Variants in FBXW7 observed in about 807,000 individuals in gnomAD.
The protein encoded by FBXW7 is F-box and WD repeat domain containing 7.
FBXW7 carries 11 observed loss-of-function variants against 86.3 expected under a neutral mutation model. The ratio of observed to expected loss-of-function variants is 0.13; its 90% CI spans 0.08 to 0.21. The LOEUF (loss-of-function observed/expected upper bound fraction) is 0.21. FBXW7 is among the 10% of genes least tolerant of loss of function. FBXW7 has a pLI of 1.00. For synonymous variants in FBXW7, 313 were observed against 297.9 expected (o/e 1.05, Z -0.52); for missense variants, 488 against 847.4 (o/e 0.58, Z 5.27).
At chr4:152,440,114 A>G (rs895582696) in intron 2 of FBXW7, among the ~76,000 whole-genome samples, 1 of 152,228 alleles carries the variant, frequency 6.6e-6, no homozygotes, top group African/African-American at 2.4e-5. Flanking sequence ...TAACAAATAC[A>G]GACTGTAATA....
chr4:152,509,138 A>G (rs981673655), intron 2 of FBXW7, among the ~76,000 whole-genome samples: 7 of 152,228 alleles, frequency 4.6e-5, no homozygotes. Flanking sequence ...TGATAACTAA[A>G]ATACAACACG....
chr4:152,469,772 G>C (rs1234848874), intron 2 of FBXW7, among the ~76,000 whole-genome samples: 2 of 152,098 alleles, frequency 1.3e-5, no homozygotes, highest in Non-Finnish European at 2.9e-5. Context: ...GAACAAGAGA[G>C]AAAAGGATTG....
At chr4:152,483,848 C>T (rs889717423) in intron 2 of FBXW7, among the ~76,000 whole-genome samples, 2 of 152,202 alleles carry the variant, frequency 1.3e-5, no homozygotes, top group East Asian at 3.9e-4. Context: ...TTAATTACTA[C>T]ACCACTACAG....
chr4:152,343,911 C>A (rs1025262408), intron 6 of FBXW7, among the ~76,000 whole-genome samples: 4 of 151,670 alleles, frequency 2.6e-5, no homozygotes, highest in African/African-American at 9.7e-5. Flanking sequence ...AATGGAATAT[C>A]ATTTGTTCAT....
chr4:152,490,713 T>C (rs1745762596), intron 2 of FBXW7, among the ~76,000 whole-genome samples: 1 of 152,130 alleles, frequency 6.6e-6, no homozygotes. Flanking sequence ...AATCAAAACA[T>C]AATCCTGCAC....
At chr4:152,340,889 A>T (rs1408758048) in intron 6 of FBXW7, among the ~76,000 whole-genome samples, 1 of 152,114 alleles carries the variant, frequency 6.6e-6, no homozygotes, top group Admixed American at 6.5e-5. Flanking sequence ...ATTTCAGTAA[A>T]ATAAACTCTA....
Position 152,334,975 on chromosome 4 carries a change from C to T in FBXW7, c.862-2256G>A, listed in dbSNP as rs1729926833. Among the ~76,000 whole-genome samples, 5 of 152,026 alleles carry T rather than the reference C, an allele frequency of 3.3e-5. 1 individual carries two copies. The highest frequency in any genetic ancestry group is 2.6e-4 in the Admixed American group (4 of 15,258). On this transcript the variant is annotated intron_variant, in intron 7 of 13. Coordinates refer to ENST00000281708, the MANE Select transcript of FBXW7 (RefSeq NM_001349798.2). ...TTTAAACTAGAGAAAAAGTAGAGCA[C>T]AAATACGCTGTCAACAAGGTTATGT...
Position 152,535,486 on chromosome 4 carries a change from GC to G in FBXW7, c.-573del, listed in dbSNP as rs938599328. 7.6e-6 allele frequency: 3 copies of G among 393,114 alleles called. No individual in the cohort carries two copies. The highest frequency in any genetic ancestry group is 4.5e-6 in the Non-Finnish European group (1 of 222,792). The allele number at this position is 393,114 out of a possible 1,614,324, so 24.4% of individuals were successfully genotyped here. A position where few individuals can be genotyped will look rare whatever the true frequency, so the allele number is the denominator to read the frequency against. ...GCCGCCGCTTCACATCGGGGTCCCC[GC>G]CCCCCCGGCCGGGGGGTGGTTGCCG... On this transcript the variant is annotated 5_prime_UTR_variant, in exon 1 of 14. The change creates a premature stop within an existing upstream ORF in the 5' untranslated region. Transcript: ENST00000281708.
intron 2 of FBXW7, among the ~76,000 whole-genome samples, chr4:152,446,254 A>T (rs1741378348): frequency 6.6e-6 from 1 of 152,174 alleles, no homozygotes; most frequent in Non-Finnish European, 1.5e-5. Flanking sequence ...CCTACTTAGG[A>T]AATATTGGAT....
At position 152,328,300 on chromosome 4, in the gene FBXW7, T is replaced by C; in HGVS notation, c.1326A>G (p.Thr442=). The C allele has an allele frequency of 1.3e-6, 2 of 1,599,878 alleles. No homozygotes were observed. The highest frequency in any genetic ancestry group is 1.7e-6 in the Non-Finnish European group (2 of 1,174,066). The change falls in exon 11 of 14, where the codon ACA becomes ACG. Residue 442 remains threonine, a synonymous_variant. Coordinates refer to ENST00000281708, the MANE Select transcript of FBXW7 (RefSeq NM_001349798.2). ...NIIISGSTDR[T]LKVWNAETGE... is the part of the protein sequence containing the mutation. ...CAGTCTCTGCATTCCACACTTTGAG[T>C]GTCCGATCTGTAGATCCACTAATGA...
intron 2 of FBXW7, among the ~76,000 whole-genome samples, chr4:152,434,553 C>A (rs151014252): frequency 1.1e-3 from 164 of 152,278 alleles, no homozygotes; most frequent in Middle Eastern, 3.4e-3. Context: ...CCCCAACTTT[C>A]TCCTGAATGT....
At chr4:152,380,390 C>CA (rs1734958600) in intron 4 of FBXW7, among the ~76,000 whole-genome samples, 1 of 151,890 alleles carries the variant, frequency 6.6e-6, no homozygotes, top group African/African-American at 2.4e-5. Context: ...TAGTCAGAGT[C>CA]AATGAGTTAT....
chr4:152,340,068 G>A (rs1467984329), intron 6 of FBXW7, among the ~76,000 whole-genome samples: 1 of 151,966 alleles, frequency 6.6e-6, no homozygotes, highest in Non-Finnish European at 1.5e-5. Context: ...ATTTGAAACT[G>A]TGTTAGAAAT....
chr4:152,534,190 G>A (rs1750258850), intron 2 of FBXW7, among the ~76,000 whole-genome samples: 1 of 142,646 alleles, frequency 7.0e-6, no homozygotes, highest in Non-Finnish European at 1.5e-5. Context: ...AATTGATACA[G>A]AAATAAAGAT....
rs118187639 is a variant in FBXW7 at position 152,511,490 on chromosome 4, A to G, written c.-120+23451T>C. 5.5e-3 allele frequency among the ~76,000 whole-genome samples: 838 copies of G among 152,160 alleles called. 17 individuals are homozygous for G. The highest frequency in any genetic ancestry group is 0.045 in the East Asian group (235 of 5,180). ...ATGGGTAATCAAATTTCAGGTGGAT[A>G]TATCTTTTGATTCAGCAATTTCACT... On this transcript the variant is annotated intron_variant, in intron 2 of 13. Coordinates refer to ENST00000281708, the MANE Select transcript of FBXW7 (RefSeq NM_001349798.2).
chr4:152,414,580 C>T (rs1738265239), intron 2 of FBXW7, among the ~76,000 whole-genome samples: 1 of 152,108 alleles, frequency 6.6e-6, no homozygotes, highest in South Asian at 2.1e-4. Flanking sequence ...TTAAAAGCTC[C>T]ATTATAGATA....
At chr4:152,402,875 C>A (rs1482093988) in intron 4 of FBXW7, among the ~76,000 whole-genome samples, 1 of 152,138 alleles carries the variant, frequency 6.6e-6, no homozygotes. Flanking sequence ...GATGTCAACA[C>A]AAAATAAAGA....
chr4:152,427,469 G>A (rs1739489208), intron 2 of FBXW7, among the ~76,000 whole-genome samples: 1 of 152,202 alleles, frequency 6.6e-6, no homozygotes, highest in South Asian at 2.1e-4. Context: ...ACCTGGGAGT[G>A]TTAAGACCAG....
chr4:152,472,611 A>G (rs190185997), intron 2 of FBXW7, among the ~76,000 whole-genome samples: 77 of 152,342 alleles, frequency 5.1e-4, no homozygotes, highest in Middle Eastern at 3.4e-3. Flanking sequence ...CTCTAATTAC[A>G]AAGTCAGAAT....
Sources: allele counts gnomAD v4.1 joint callset (sites outside exome capture counted in the v4.1 genomes callset), GRCh38; gene constraint gnomAD v4.1.1; transcripts MANE v1.5; gene names NCBI Gene and HGNC (gene_info 2026-07-23, HGNC 2026-07-21).